Variants in PIWIL4 observed in about 807,000 individuals in gnomAD.
PIWIL4 encodes piwi-like protein 4.
In PIWIL4, 50 loss-of-function variants were observed where a neutral mutation model predicts 100.9. The ratio of observed to expected loss-of-function variants is 0.50; its 90% CI spans 0.39 to 0.63. The LOEUF is 0.63. Among genes scored for constraint, PIWIL4 ranks in the 20% least tolerant of loss-of-function variants. The probability of loss-of-function intolerance (pLI) is 0.00; values close to 1 mark genes in which losing one functional copy is unlikely to be tolerated. For synonymous variants in PIWIL4, 342 were observed against 367.5 expected (o/e 0.93, Z 0.79); for missense variants, 887 against 1,043.3 (o/e 0.85, Z 2.06).
chr11:94,620,631 A>G (rs532472687), intron 19 of PIWIL4, among the ~76,000 whole-genome samples: 1 of 152,292 alleles, frequency 6.6e-6, no homozygotes, highest in East Asian at 1.9e-4. Context: ...GACAAAGACT[A>G]GTCTGAAGTG....
At chr11:94,605,038 T>C (rs1408659578) in intron 13 of PIWIL4, among the ~76,000 whole-genome samples, 3 of 152,246 alleles carry the variant, frequency 2.0e-5, no homozygotes, top group Admixed American at 2.0e-4. Context: ...ATATTTGCTT[T>C]ATTATTTTCT....
chr11:94,573,595 T>A (rs1430453702), intron 2 of PIWIL4, among the ~76,000 whole-genome samples: 1 of 152,214 alleles, frequency 6.6e-6, no homozygotes, highest in Non-Finnish European at 1.5e-5. Context: ...TTACGTTTAT[T>A]GATTTGCGTG....
intron 15 of PIWIL4, among the ~76,000 whole-genome samples, chr11:94,612,590 T>G (rs773409767): frequency 3.9e-5 from 6 of 152,186 alleles, no homozygotes; most frequent in Non-Finnish European, 8.8e-5. Context: ...TATTCATTGT[T>G]TTCTGGCTTT....
intron 4 of PIWIL4, among the ~76,000 whole-genome samples, chr11:94,582,870 C>T (rs1478490205): frequency 6.6e-6 from 1 of 151,966 alleles, no homozygotes; most frequent in Non-Finnish European, 1.5e-5. Context: ...CCTTTCTTTC[C>T]TTCTCTCTTG....
At chr11:94,595,563 C>G in intron 10 of PIWIL4, 137 bp downstream of exon 10, 1 of 686,304 alleles carries the variant, frequency 1.5e-6, no homozygotes, top group Non-Finnish European at 2.4e-6. Flanking sequence ...TTGTGCTGTC[C>G]ACAGCCCTTC....
chr11:94,604,151 A>C (rs1316621543), intron 13 of PIWIL4, 95 bp downstream of exon 13: 1 of 661,628 alleles, frequency 1.5e-6, no homozygotes, highest in African/African-American at 1.9e-5. Flanking sequence ...ATATATTTGC[A>C]AATTGCCATG....
chr11:94,619,717 A>G (rs1948885695), intron 17 of PIWIL4, 43 bp from the exon 18 acceptor site: 1 of 1,579,790 alleles, frequency 6.3e-7, no homozygotes, highest in African/African-American at 1.4e-5. Flanking sequence ...AGCTATATAG[A>G]TTGGATTGAG....
rs372355274 is a variant in PIWIL4 at position 94,577,088 on chromosome 11, A to G, written c.299-190A>G. Among the ~76,000 whole-genome samples the G allele has an allele frequency of 1.8e-3, 274 of 152,352 alleles. 2 individuals carry two copies. Among genetic ancestry groups the G allele is most frequent in the Middle Eastern group, 6.8e-3 (2 of 294 alleles). On this transcript the variant is annotated intron_variant, in intron 3 of 19. Transcript: ENST00000299001. ...TGTTCTTAAGAGGCCTGTTTCATGC[A>G]TGATCCCATTTTAGCTCCCAAAGGT...
intron 4 of PIWIL4, among the ~76,000 whole-genome samples, chr11:94,579,421 A>G (rs1948284863): frequency 1.3e-5 from 2 of 152,128 alleles, no homozygotes; most frequent in Non-Finnish European, 2.9e-5. Flanking sequence ...CTACAAGAAA[A>G]AAAGAACCAA....
chr11:94,568,942 A>G, intron 2 of PIWIL4, 134 bp downstream of exon 2: 2 of 756,576 alleles, frequency 2.6e-6, no homozygotes, highest in Non-Finnish European at 4.3e-6. Context: ...CCCCTTTGTC[A>G]TGTTCCTTTG....
intron 11 of PIWIL4, among the ~76,000 whole-genome samples, chr11:94,599,596 C>T (rs1948607882): frequency 6.6e-6 from 1 of 152,204 alleles, no homozygotes; most frequent in African/African-American, 2.4e-5. Context: ...TGATGGAAAG[C>T]TAGCCCTTCT....
At chr11:94,617,724 A>T (rs1392493782) in intron 16 of PIWIL4, 1 of 462,784 alleles carries the variant, frequency 2.2e-6, no homozygotes. Flanking sequence ...AAGTTTAAGA[A>T]TATATCATGC....
rs1178824968 is a variant in PIWIL4 at position 94,597,929 on chromosome 11, T to G, written c.1380+14T>G. On this transcript the variant is annotated intron_variant, in intron 11 of 19. Transcript: ENST00000299001. ...CAAGACCACATAGTAAGTGCTGTGATTTTATTTTCATTTAAAAGTATTTAC... is the reference window on the plus strand; with the variant it reads ...CAAGACCACATAGTAAGTGCTGTGAGTTTATTTTCATTTAAAAGTATTTAC... 1.3e-6 allele frequency: 2 copies of G among 1,571,464 alleles called. No homozygotes were observed. The highest frequency in any genetic ancestry group is 1.8e-6 in the Non-Finnish European group (2 of 1,142,202).
chr11:94,585,727 TGATA>T (rs1416173614), intron 6 of PIWIL4, among the ~76,000 whole-genome samples: 1 of 152,220 alleles, frequency 6.6e-6, no homozygotes, highest in African/African-American at 2.4e-5. Flanking sequence ...TATATTAGTG[TGATA>T]GATAATTATC....
chr11:94,597,829 G>T lies in PIWIL4; in HGVS notation c.1294G>T (p.Glu432Ter). 6.2e-7 allele frequency: 1 copy of T among 1,613,730 alleles called. No individual in the cohort carries two copies. The highest frequency in any genetic ancestry group is 2.2e-5 in the East Asian group (1 of 44,868). The change falls in exon 11 of 20, where the codon GAG (glutamate) becomes TAG (stop). Residue 432 changes from glutamate to a stop codon, truncating the protein, a stop_gained. Transcript: ENST00000299001. LOFTEE classifies it high-confidence loss of function. The part of the protein sequence containing the change: ...QRNTNARFEL[E>*]TWGLHFGSQI... ...GAATACCAATGCTCGCTTTGAACTA[G>T]AGACCTGGGGACTGCATTTTGGAAG...
intron 12 of PIWIL4, among the ~76,000 whole-genome samples, chr11:94,602,646 A>C (rs542041762): frequency 1.3e-5 from 2 of 152,390 alleles, no homozygotes; most frequent in South Asian, 2.1e-4. Context: ...TAGAAAAGCC[A>C]TAAAGTTGGT....
chr11:94,586,383 G>A (rs935826258), intron 6 of PIWIL4, among the ~76,000 whole-genome samples: 8 of 152,000 alleles, frequency 5.3e-5, no homozygotes, highest in African/African-American at 1.2e-4. Flanking sequence ...TAAAATAGTA[G>A]TCTATTATTT....
intron 1 of PIWIL4, among the ~76,000 whole-genome samples, chr11:94,568,446 C>T (rs1948105823): frequency 6.6e-6 from 1 of 152,154 alleles, no homozygotes; most frequent in Admixed American, 6.5e-5. Flanking sequence ...CTCTGGTGAG[C>T]TCCCTGGGCA....
intron 4 of PIWIL4, among the ~76,000 whole-genome samples, chr11:94,583,040 A>ATGTGTGTG (rs200968891): frequency 0.036 from 4,265 of 118,064 alleles, 71 homozygotes; most frequent in Middle Eastern, 0.058. Context: ...GTGTATATAT[A>ATGTGTGTG]TATATGTGTG....
Sources: gnomAD v4.1 joint callset for allele counts (sites outside exome capture counted in the v4.1 genomes callset) on GRCh38, gnomAD v4.1.1 for gene constraint, MANE v1.5 for transcripts, NCBI Gene and HGNC (gene_info 2026-07-23, HGNC 2026-07-21) for gene names.